TAFA4: variants seen among roughly 807,000 people sequenced by gnomAD.
TAFA4 encodes TAFA chemokine like family member 4.
Under a neutral mutation model 21.1 loss-of-function variants are expected in TAFA4, and 20 were observed. That is an observed-to-expected ratio of 0.95 (90% confidence interval 0.67 to 1.38). The LOEUF is 1.38. Ranked by LOEUF, TAFA4 falls within the 40% of genes most tolerant of loss-of-function variation. The pLI is 0.00. For missense variants in TAFA4, 211 were observed against 180.9 expected (o/e 1.17, Z -0.95); for synonymous variants, 71 against 67.4 (o/e 1.05, Z -0.26).
intron 3 of TAFA4, among the ~76,000 whole-genome samples, chr3:68,794,372 A>G (rs912768834): frequency 4.6e-5 from 7 of 152,172 alleles, no homozygotes; most frequent in African/African-American, 1.2e-4. Flanking sequence ...AGATCATTGT[A>G]TTTCACTCAT....
intron 4 of TAFA4, among the ~76,000 whole-genome samples, chr3:68,747,472 CT>C (rs775514174): frequency 2.0e-5 from 3 of 152,162 alleles, no homozygotes; most frequent in Admixed American, 6.5e-5. Flanking sequence ...TGCACACACT[CT>C]CCTGCCTGCT....
intron 3 of TAFA4, among the ~76,000 whole-genome samples, chr3:68,815,691 T>C (rs1252802758): frequency 3.9e-5 from 6 of 152,160 alleles, no homozygotes; most frequent in East Asian, 1.9e-4. Flanking sequence ...TGTGGAGAAA[T>C]AGGAACACTT....
intron 3 of TAFA4, among the ~76,000 whole-genome samples, chr3:68,763,359 G>A (rs1575599418): frequency 6.6e-6 from 1 of 151,994 alleles, no homozygotes; most frequent in Non-Finnish European, 1.5e-5. Flanking sequence ...TTATATCCCA[G>A]CTCTCTTTCC....
Position 68,885,241 on chromosome 3 carries a change from T to A in TAFA4, c.-53A>T. On this transcript the variant is annotated 5_prime_UTR_variant, in exon 2 of 6. Transcript: ENST00000295569. ...ATTCCAGGATATATTTCAGAGTGAC[T>A]CCAAATTCCCATCTGTTGCTAGAAC... The A allele has an allele frequency of 6.4e-7, 1 of 1,567,318 alleles. No homozygotes were observed. The highest frequency in any genetic ancestry group is 8.7e-7 in the Non-Finnish European group (1 of 1,144,694).
At chr3:68,805,003 A>G (rs1703661635) in intron 3 of TAFA4, among the ~76,000 whole-genome samples, 1 of 152,232 alleles carries the variant, frequency 6.6e-6, no homozygotes, top group Admixed American at 6.5e-5. Context: ...AACTACTATC[A>G]GGGTGAACAG....
intron 3 of TAFA4, among the ~76,000 whole-genome samples, chr3:68,834,067 G>GC (rs1704463729): frequency 6.6e-6 from 1 of 152,158 alleles, no homozygotes; most frequent in South Asian, 2.1e-4. Context: ...AACCTCAGGA[G>GC]CCCCTCCGTA....
chr3:68,734,402 GGAAA>G (rs1003888615), intron 5 of TAFA4, among the ~76,000 whole-genome samples: 1 of 152,022 alleles, frequency 6.6e-6, no homozygotes, highest in African/African-American at 2.4e-5. Context: ...GTACGATACA[GGAAA>G]GAAAGGCTGA....
intron 3 of TAFA4, among the ~76,000 whole-genome samples, chr3:68,828,216 G>T (rs964616209): frequency 6.6e-6 from 1 of 152,158 alleles, no homozygotes; most frequent in Non-Finnish European, 1.5e-5. Flanking sequence ...TGAGGCCTCT[G>T]TTCTGTTCCA....
intron 3 of TAFA4, among the ~76,000 whole-genome samples, chr3:68,763,869 TACACACAC>T (rs147436920): frequency 6.8e-6 from 1 of 147,350 alleles, no homozygotes; most frequent in East Asian, 2.0e-4. Context: ...TATGACAGAC[TACACACAC>T]ACACACACAC....
intron 3 of TAFA4, among the ~76,000 whole-genome samples, chr3:68,821,218 G>A (rs114358221): frequency 0.014 from 2,192 of 152,006 alleles, 49 homozygotes; most frequent in African/African-American, 0.05. Flanking sequence ...GTTAATTTCA[G>A]TGAGGACTCA....
chr3:68,872,320 T>C (rs758252715), intron 3 of TAFA4, among the ~76,000 whole-genome samples: 8 of 152,128 alleles, frequency 5.3e-5, no homozygotes, highest in Non-Finnish European at 2.9e-5. Context: ...AAATACTGCA[T>C]GCTCTCATTC....
chr3:68,834,284 A>T (rs904851077), intron 3 of TAFA4, among the ~76,000 whole-genome samples: 1 of 152,206 alleles, frequency 6.6e-6, no homozygotes, highest in African/African-American at 2.4e-5. Context: ...CATGCCTGGT[A>T]GAATGACCAA....
intron 1 of TAFA4, among the ~76,000 whole-genome samples, chr3:68,894,836 G>A (rs1280724952): frequency 6.6e-6 from 1 of 151,800 alleles, no homozygotes; most frequent in Non-Finnish European, 1.5e-5. Context: ...AAGTTTGAGG[G>A]TGTTTTTGGT....
chr3:68,835,245 A>G (rs1463242307), intron 3 of TAFA4, among the ~76,000 whole-genome samples: 3 of 152,148 alleles, frequency 2.0e-5, no homozygotes, highest in Non-Finnish European at 4.4e-5. Context: ...TGCTCCCTCA[A>G]TTCCTTGACT....
chr3:68,840,784 T>C (rs1704643390), intron 3 of TAFA4, among the ~76,000 whole-genome samples: 1 of 152,148 alleles, frequency 6.6e-6, no homozygotes, highest in Non-Finnish European at 1.5e-5. Flanking sequence ...ACTTAGTGAT[T>C]TGTCCTTGGT....
chr3:68,844,706 T>C (rs1334926890), intron 3 of TAFA4, among the ~76,000 whole-genome samples: 1 of 152,234 alleles, frequency 6.6e-6, no homozygotes, highest in African/African-American at 2.4e-5. Flanking sequence ...CCAGAGATTC[T>C]GGAATGTTGT....
chr3:68,924,392 T>A (rs1480265163), intron 1 of TAFA4, among the ~76,000 whole-genome samples: 1 of 146,302 alleles, frequency 6.8e-6, no homozygotes, highest in African/African-American at 2.8e-5. Flanking sequence ...GAACGAATAA[T>A]GTTATGTCTC....
chr3:68,869,998 G>A (rs531498417), intron 3 of TAFA4, among the ~76,000 whole-genome samples: 2 of 152,048 alleles, frequency 1.3e-5, no homozygotes, highest in South Asian at 2.1e-4. Flanking sequence ...ACTGATAAGT[G>A]AATTCAGTAA....
At position 68,849,766 on chromosome 3, in the gene TAFA4, C is replaced by T. The variant is rs1704898746; in HGVS notation, c.130+30964G>A. ...CTGAACACCAGCCCTTTCACAAAAC[C>T]CCAGCCTTCATTCACATTGTATCTT... On this transcript the variant is annotated intron_variant, in intron 3 of 5. Coordinates refer to ENST00000295569, the MANE Select transcript of TAFA4 (RefSeq NM_182522.5). 2.0e-5 allele frequency among the ~76,000 whole-genome samples: 3 copies of T among 152,128 alleles called. No homozygotes were observed. In the South Asian group the frequency reaches 6.2e-4, roughly 32 times the overall value.
Sources: allele counts gnomAD v4.1 joint callset (sites outside exome capture counted in the v4.1 genomes callset), GRCh38; gene constraint gnomAD v4.1.1; transcripts MANE v1.5; gene names NCBI Gene and HGNC (gene_info 2026-07-23, HGNC 2026-07-21).